Variants in IRF3 observed in about 807,000 individuals in gnomAD.
IRF3 encodes the protein interferon regulatory factor 3.
A neutral mutation model predicts 43.2 loss-of-function variants in IRF3; 29 were observed. The ratio of observed to expected loss-of-function variants is 0.67; its 90% CI spans 0.50 to 0.91. IRF3 has a LOEUF of 0.91. IRF3 is among the 40% of genes least tolerant of loss of function. IRF3 has a pLI of 0.00. For synonymous variants in IRF3, 228 were observed against 233.9 expected, an observed-to-expected ratio of 0.97 and a Z score of 0.23; for missense variants, 505 against 559.1, an observed-to-expected ratio of 0.90 and a Z score of 0.98.
In IRF3 at chr19:49,659,822, C is replaced by T. The variant is rs1372965122; in HGVS notation, c.1110G>A (p.Thr370=). 5.7e-6 allele frequency: 9 copies of T among 1,588,584 alleles called. No individual in the cohort carries two copies. The highest frequency in any genetic ancestry group is 1.3e-5 in the African/African-American group (1 of 74,394). ...CCATTTCTACCAAGGCCCTGAGGCA[C>T]GTGGGCACAACCTGCAGGGGAAGTG... The part of the protein sequence containing the change: ...KRLVMVKVVP[T]CLRALVEMAR... The change falls in exon 8 of 8, where the codon ACG becomes ACA. Residue 370 remains threonine, a synonymous_variant. Transcript: ENST00000377139.
rs369018184 is a variant in IRF3, at chr19:49,664,580, G to C, written c.165+94C>G. 4.1e-5 allele frequency: 65 copies of C among 1,573,264 alleles called. 1 individual carries two copies. The South Asian group carries it at 6.8e-4, about 16-fold the overall frequency. ...GCGTTGGCACGAGCCCGCCCCTCGCGCGCCACCTCCGCCTTCTCAGCCGGG... is the reference window on the plus strand; with the variant it reads ...GCGTTGGCACGAGCCCGCCCCTCGCCCGCCACCTCCGCCTTCTCAGCCGGG... On this transcript the variant is annotated intron_variant, in intron 2 of 7. Coordinates refer to ENST00000377139, the MANE Select transcript of IRF3 (RefSeq NM_001571.6).
At chr19:49,665,095 C>T in intron 1 of IRF3, 1 of 479,082 alleles carries the variant, frequency 2.1e-6, no homozygotes, top group Non-Finnish European at 3.7e-6. Flanking sequence ...ACCCTCCACT[C>T]CCTCAATTCC....
rs375866058 is a variant in IRF3, at chr19:49,662,222, C to G, written c.708G>C (p.Arg236Ser). ...GTGTGACTGGCCATCCAGGCAGCGTCCTGTCTCCCACTTCGGACCCCACCA... is the reference window on the plus strand; with the variant it reads ...GTGTGACTGGCCATCCAGGCAGCGTGCTGTCTCCCACTTCGGACCCCACCA... ...LRLVGSEVGD[R>S]TLPGWPVTLP... The change falls in exon 6 of 8, where the codon AGG becomes AGC. Residue 236 changes from arginine (R) to serine (S), a missense_variant. Transcript: ENST00000377139. 3.8e-5 allele frequency: 62 copies of G among 1,613,934 alleles called. No individual in the cohort carries two copies. The highest frequency in any genetic ancestry group is 4.7e-5 in the Non-Finnish European group (56 of 1,180,066).
chr19:49,660,079 T>TAC (rs961074571), intron 7 of IRF3, among the ~76,000 whole-genome samples: 30 of 145,246 alleles, frequency 2.1e-4, no homozygotes, highest in East Asian at 2.0e-3. Context: ...GTTGTAGTTT[T>TAC]ACACACACAC....
intron 1 of IRF3, 123 bp from the exon 2 acceptor site, chr19:49,664,969 G>A (rs1056564667): frequency 9.3e-7 from 1 of 1,080,362 alleles, no homozygotes; most frequent in African/African-American, 1.6e-5. Flanking sequence ...ATATTTTCGG[G>A]GGTACAAACA....
In IRF3 at chr19:49,659,673, T is replaced by C; in HGVS notation, c.1259A>G (p.Asp420Gly). ...AYLQDLVEGM[D>G]FQGPGES ...TCAGCTCTCCCCAGGGCCCTGGAAA[T>C]CCATGCCCTCCACCAAGTCCTGCAG... is the stretch of plus-strand genomic sequence containing the variant. The change falls in exon 8 of 8, where the codon GAT becomes GGT. Residue 420 changes from aspartate to glycine, a missense_variant. By Grantham distance (94) the Asp-to-Gly change is moderately conservative. Transcript: ENST00000377139. 6.2e-7 allele frequency: 1 copy of C among 1,613,682 alleles called. No individual in the cohort carries two copies. Among genetic ancestry groups the C allele is most frequent in the Non-Finnish European group, 8.5e-7 (1 of 1,179,786 alleles).
At chr19:49,660,353 ACT>A (rs1663441573) in intron 7 of IRF3, among the ~76,000 whole-genome samples, 3 of 152,100 alleles carry the variant, frequency 2.0e-5, no homozygotes, top group South Asian at 2.1e-4. Context: ...AGGAGCACAA[ACT>A]CTATCGAACT....
chr19:49,665,057 A>G (rs983199854), intron 1 of IRF3: 2 of 566,092 alleles, frequency 3.5e-6, no homozygotes, highest in Non-Finnish European at 6.2e-6. Context: ...TATCCATGGC[A>G]CATCCTTCCC....
intron 7 of IRF3, among the ~76,000 whole-genome samples, 183 bp from the exon 8 acceptor site, chr19:49,660,016 CA>C (rs1568451721): frequency 9.7e-5 from 12 of 123,572 alleles, no homozygotes; most frequent in South Asian, 5.1e-4. Context: ...CACACACACA[CA>C]CACACACACA....
intron 2 of IRF3, 96 bp downstream of exon 2, chr19:49,664,578 G>A (rs1228013546): frequency 6.5e-7 from 1 of 1,531,740 alleles, no homozygotes; most frequent in Admixed American, 1.7e-5. Flanking sequence ...CCCGCCCCTC[G>A]CGCGCCACCT....
intron 2 of IRF3, 112 bp from the exon 3 acceptor site, chr19:49,663,626 T>A: frequency 4.8e-6 from 5 of 1,039,376 alleles, no homozygotes; most frequent in Non-Finnish European, 7.0e-6. Context: ...TGGCAAGTTC[T>A]AACTCTGCAA....
rs746140548 is a variant in IRF3, at chr19:49,664,818, C to T, written c.21G>A (p.Arg7=). 1.2e-6 allele frequency: 2 copies of T among 1,613,410 alleles called. No homozygotes were observed. Among genetic ancestry groups the T allele is most frequent in the South Asian group, 2.2e-5 (2 of 91,054 alleles). Residue 7 remains arginine, a synonymous_variant, in exon 2 of 8, where the codon CGG becomes CGA. Transcript: ENST00000377139. ...GCTGCGACACCAGCCAGGGCAGGAT[C>T]CGTGGCTTTGGGGTTCCCATGGTCC... MGTPKP[R]ILPWLVSQLD...
chr19:49,663,390 C>A lies in IRF3; in HGVS notation c.290G>T (p.Ser97Ile). 2 of 1,614,214 alleles carry A rather than the reference C, an allele frequency of 1.2e-6. No homozygotes were observed. The change falls in exon 3 of 8, where the codon AGC (serine) becomes ATC (isoleucine). Residue 97 changes from serine to isoleucine, a missense_variant. By Grantham distance (142) the Ser-to-Ile change is moderately radical. Coordinates refer to ENST00000377139, the MANE Select transcript of IRF3 (RefSeq NM_001571.6). ...TTTATGTGGGTCGTGAGGGTCCTTG[C>A]TCCGGTCCTCTGCTAAACGCAACCC... ...KEGLRLAEDR[S>I]KDPHDPHKIY...
In IRF3 at chr19:49,662,241, C is replaced by A; in HGVS notation, c.689G>T (p.Gly230Val). 6.2e-7 allele frequency: 1 copy of A among 1,613,968 alleles called. No individual in the cohort carries two copies. Residue 230 changes from glycine (G) to valine (V), a missense_variant, in exon 6 of 8, where the codon GGG (glycine) becomes GTG (valine). Coordinates refer to ENST00000377139, the MANE Select transcript of IRF3 (RefSeq NM_001571.6). ...CAGCGTCCTGTCTCCCACTTCGGAC[C>A]CCACCAGCCGCAGGCCCTCCGGGCA... is the stretch of plus-strand genomic sequence containing the variant. The part of the protein sequence containing the change: ...ISCPEGLRLV[G>V]SEVGDRTLPG...
chr19:49,661,210 G>C (rs868710419), intron 6 of IRF3, among the ~76,000 whole-genome samples: 2 of 152,206 alleles, frequency 1.3e-5, no homozygotes, highest in African/African-American at 4.8e-5. Flanking sequence ...CAATTAAAAC[G>C]AATCACGTCC....
chr19:49,665,013 G>A (rs1382900206), intron 1 of IRF3, 167 bp from the exon 2 acceptor site: 9 of 696,766 alleles, frequency 1.3e-5, no homozygotes, highest in Non-Finnish European at 1.6e-5. Flanking sequence ...CCATCCTCCC[G>A]AGAGGCTCTC....
chr19:49,662,356 G>C, intron 5 of IRF3, 28 bp from the exon 6 acceptor site: 1 of 1,609,934 alleles, frequency 6.2e-7, no homozygotes, highest in Non-Finnish European at 8.5e-7. Context: ...CGGCATGAAG[G>C]GGAGAGGGGT....
chr19:49,659,988 C>CACACACACATAT (rs763005885), intron 7 of IRF3, among the ~76,000 whole-genome samples, 155 bp from the exon 8 acceptor site: 846 of 69,914 alleles, frequency 0.012, 84 homozygotes, highest in African/African-American at 0.054. Flanking sequence ...TAGTTTTACA[C>CACACACACATAT]ACACACACAC....
Position 49,663,183 on chromosome 19 carries a change from C to T in IRF3, c.408+5G>A. 6.2e-7 allele frequency: 1 copy of T among 1,613,472 alleles called. No individual in the cohort carries two copies. The highest frequency in any genetic ancestry group is 2.2e-5 in the East Asian group (1 of 44,876). The stretch of plus-strand genomic sequence containing the variant: ...GAGGGGCATGAAAGTTGGGCACATT[C>T]TCACCTGGGTATCAGAAGTACTGCC... On this transcript the variant is annotated splice_donor_5th_base_variant and intron_variant, in intron 4 of 7. Coordinates refer to ENST00000377139, the MANE Select transcript of IRF3 (RefSeq NM_001571.6).
Sources: gnomAD v4.1 joint callset for allele counts (sites outside exome capture counted in the v4.1 genomes callset) on GRCh38, gnomAD v4.1.1 for gene constraint, MANE v1.5 for transcripts, NCBI Gene and HGNC (gene_info 2026-07-23, HGNC 2026-07-21) for gene names.